RPTOR: variants seen among roughly 807,000 people sequenced by gnomAD.
RPTOR encodes the protein regulatory associated protein of MTOR complex 1.
Under a neutral mutation model 169.9 loss-of-function variants are expected in RPTOR, and 21 were observed. The observed-to-expected ratio is 0.12, with a 90% CI of 0.09 to 0.18. The LOEUF is 0.18. RPTOR is among the 10% of genes least tolerant of loss of function. The pLI is 1.00. For missense variants in RPTOR, 1,133 were observed against 1,855.9 expected, an observed-to-expected ratio of 0.61 and a Z score of 7.16; for synonymous variants, 732 against 753.2, an observed-to-expected ratio of 0.97 and a Z score of 0.46.
intron 7 of RPTOR, among the ~76,000 whole-genome samples, chr17:80,816,867 T>G (rs971558367): frequency 7.2e-5 from 11 of 152,176 alleles, no homozygotes; most frequent in Non-Finnish European, 1.0e-4. Flanking sequence ...CCACTGCATG[T>G]TGAGCCCCAG....
At chr17:80,869,393 G>A (rs1598365382) in intron 13 of RPTOR, among the ~76,000 whole-genome samples, 1 of 152,162 alleles carries the variant, frequency 6.6e-6, no homozygotes, top group African/African-American at 2.4e-5. Context: ...CCGACCTCAA[G>A]TGATCTGCGT....
chr17:80,684,444 A>G (rs1165593866), intron 3 of RPTOR, among the ~76,000 whole-genome samples: 1 of 122,212 alleles, frequency 8.2e-6, no homozygotes, highest in South Asian at 2.4e-4. Flanking sequence ...TTATTTATTT[A>G]TTTATTTAAT....
chr17:80,963,094 G>T, intron 33 of RPTOR, 37 bp downstream of exon 33: 1 of 463,286 alleles, frequency 2.2e-6, no homozygotes. Context: ...GGGGTCGGGG[G>T]CTGGGGTAGA....
chr17:80,786,216 C>G (rs1037481983), intron 6 of RPTOR, among the ~76,000 whole-genome samples: 4 of 152,088 alleles, frequency 2.6e-5, no homozygotes, highest in Non-Finnish European at 5.9e-5. Context: ...TGCTTTTATT[C>G]TAAAATAAAT....
intron 13 of RPTOR, among the ~76,000 whole-genome samples, chr17:80,865,984 C>T (rs1430188414): frequency 6.6e-6 from 1 of 152,100 alleles, no homozygotes; most frequent in Non-Finnish European, 1.5e-5. Context: ...GTAGGAATGT[C>T]TCTAAGCACT....
Position 80,708,467 on chromosome 17 carries a change from C to A in RPTOR, c.507+468C>A, listed in dbSNP as rs997090764. On this transcript the variant is annotated intron_variant, in intron 4 of 33. Transcript: ENST00000306801. This position sits in a 1 kb window ranked among gnomAD's most constrained non-coding sequence, Gnocchi z 4.2. Reference sequence around the variant, plus strand: ...CCTCCTCAAGGTCAGAATCACCAGCCTTTTGCAATTCCGTTGCCCAGGACC... The same window carrying A: ...CCTCCTCAAGGTCAGAATCACCAGCATTTTGCAATTCCGTTGCCCAGGACC... Among the ~76,000 whole-genome samples, 28 of 152,256 alleles carry A rather than the reference C, an allele frequency of 1.8e-4. No individual in the cohort carries two copies. The highest frequency in any genetic ancestry group is 6.8e-4 in the African/African-American group (28 of 41,468).
chr17:80,845,354 G>A lies in RPTOR; in HGVS notation c.1213-1119G>A, dbSNP rs1226941352. Among the ~76,000 whole-genome samples the A allele has an allele frequency of 3.9e-5, 6 of 152,068 alleles. No individual in the cohort carries two copies. The East Asian group carries it at 7.8e-4, about 20-fold the overall frequency. ...GCATTTTTTTTGGTCTCCCTCACCC[G>A]CGCGCCTTCTCTGTCCAGCTGCAAC... On this transcript the variant is annotated intron_variant, in intron 10 of 33. Transcript: ENST00000306801. This position sits in a 1 kb window ranked among gnomAD's most constrained non-coding sequence, Gnocchi z 5.4.
chr17:80,770,524 G>A (rs2066832143), intron 6 of RPTOR, among the ~76,000 whole-genome samples: 1 of 152,146 alleles, frequency 6.6e-6, no homozygotes, highest in Non-Finnish European at 1.5e-5. Context: ...CTTAGAACTG[G>A]GCATGGCGGT....
intron 1 of RPTOR, among the ~76,000 whole-genome samples, chr17:80,582,536 A>G (rs1242160492): frequency 2.3e-5 from 3 of 132,578 alleles, no homozygotes; most frequent in Non-Finnish European, 4.6e-5. Flanking sequence ...GGTCAGACAA[A>G]TGGGCTTTTT....
intron 13 of RPTOR, among the ~76,000 whole-genome samples, chr17:80,867,742 A>G (rs2068009403): frequency 6.6e-6 from 1 of 152,234 alleles, no homozygotes; most frequent in Non-Finnish European, 1.5e-5. Flanking sequence ...TCGAAGTTGA[A>G]ATTAAAATAG....
At chr17:80,739,799 C>T (rs62067926) in intron 5 of RPTOR, among the ~76,000 whole-genome samples, 12,958 of 151,596 alleles carry the variant, frequency 0.085, 608 homozygotes, top group African/African-American at 0.13. Flanking sequence ...GCAGATAAAT[C>T]AGTATTGAAA....
intron 1 of RPTOR, among the ~76,000 whole-genome samples, chr17:80,604,397 A>G (rs142657875): frequency 6.6e-6 from 1 of 152,358 alleles, no homozygotes; most frequent in East Asian, 1.9e-4. Context: ...TCTTTGCATT[A>G]CAAAAGTGGT....
In RPTOR at chr17:80,902,844, C is replaced by T. The variant is rs547723693; in HGVS notation, c.2402-5967C>T. On this transcript the variant is annotated intron_variant, in intron 20 of 33. Transcript: ENST00000306801. Reference sequence around the variant, plus strand: ...GGACCACGCTGCTGTGTGCTCCACCCGCCTTCCCTCCCGAAACCCTGCGTC... The same window carrying T: ...GGACCACGCTGCTGTGTGCTCCACCTGCCTTCCCTCCCGAAACCCTGCGTC... Among the ~76,000 whole-genome samples the T allele has an allele frequency of 1.1e-4, 17 of 152,260 alleles. No individual in the cohort carries two copies. In the South Asian group the frequency reaches 2.1e-3, roughly 19 times the overall value.
chr17:80,616,751 G>A (rs999548141), intron 1 of RPTOR, among the ~76,000 whole-genome samples: 1 of 142,906 alleles, frequency 7.0e-6, no homozygotes, highest in Non-Finnish European at 1.6e-5. Flanking sequence ...TCTTGAACTG[G>A]GAAGGAGTGG....
chr17:80,921,063 A>G (rs1231720560), intron 21 of RPTOR, among the ~76,000 whole-genome samples: 3 of 152,268 alleles, frequency 2.0e-5, no homozygotes, highest in African/African-American at 7.2e-5. Context: ...GGAAAGGACA[A>G]TCTGGGAAGC....
chr17:80,568,516 A>G (rs1223746877), intron 1 of RPTOR, among the ~76,000 whole-genome samples: 2 of 152,160 alleles, frequency 1.3e-5, no homozygotes, highest in African/African-American at 4.8e-5. Flanking sequence ...ATTGGAATTT[A>G]GCAGTTTGAT....
chr17:80,738,335 C>T (rs1356262484), intron 5 of RPTOR, among the ~76,000 whole-genome samples: 1 of 152,250 alleles, frequency 6.6e-6, no homozygotes, highest in Non-Finnish European at 1.5e-5. Flanking sequence ...GCCGCCAAAG[C>T]TTTTGCTGCT....
chr17:80,903,234 C>T (rs1240666649), intron 20 of RPTOR, among the ~76,000 whole-genome samples: 1 of 152,232 alleles, frequency 6.6e-6, no homozygotes, highest in Non-Finnish European at 1.5e-5. Context: ...AGCGGCAGAG[C>T]CAGAAGCCCC....
chr17:80,837,984 G>C lies in RPTOR; in HGVS notation c.1199G>C (p.Gly400Ala), dbSNP rs1472376462. 2 of 1,610,336 alleles carry C rather than the reference G, an allele frequency of 1.2e-6. No homozygotes were observed. Among genetic ancestry groups the C allele is most frequent in the Admixed American group, 3.3e-5 (2 of 59,714 alleles). The change falls in exon 10 of 34, where the codon GGC becomes GCC. Residue 400 changes from glycine (G) to alanine (A), a missense_variant. This residue lies in a region of RPTOR where 289 missense variants were observed against 585.8 expected (regional missense o/e 0.49). Coordinates refer to ENST00000306801, the MANE Select transcript of RPTOR (RefSeq NM_020761.3). ...CAGCTGCCGACGATCATCGAGGAAG[G>C]CACTGCGTTTCGGGTGAGTCCCTCC... ...LSQLPTIIEE[G>A]TAFRHSPFFA... is the part of the protein sequence containing the mutation.
Sources: allele counts gnomAD v4.1 joint callset (sites outside exome capture counted in the v4.1 genomes callset), GRCh38; gene constraint gnomAD v4.1.1; regional missense constraint gnomAD v4.1.1; non-coding constraint Gnocchi (gnomAD v3.1); transcripts MANE v1.5; gene names NCBI Gene and HGNC (gene_info 2026-07-23, HGNC 2026-07-21).